TAS2R1: variants seen among roughly 807,000 people sequenced by gnomAD.
The protein encoded by TAS2R1 is taste 2 receptor member 1.
For synonymous variants in TAS2R1, 141 were observed against 134.2 expected, an observed-to-expected ratio of 1.05 and a Z score of -0.35; for missense variants, 370 against 353.4, an observed-to-expected ratio of 1.05 and a Z score of -0.38.
the TAS2R1 span, among the ~76,000 whole-genome samples, chr5:9,762,818 T>C: frequency 1.3e-5 from 2 of 152,222 alleles, no homozygotes; most frequent in African/African-American, 2.4e-5. Context: ...GTTCCCTGCC[T>C]CTAAACTTAC....
At chr5:9,641,007 C>T (rs188957872) in intron 2 of TAS2R1, among the ~76,000 whole-genome samples, 188 of 152,072 alleles carry the variant, frequency 1.2e-3, no homozygotes, top group Non-Finnish European at 2.2e-3. Context: ...CCGTGGTGTG[C>T]GCCTTCAGCA....
the TAS2R1 span, among the ~76,000 whole-genome samples, chr5:9,892,448 A>C: frequency 6.6e-6 from 1 of 152,144 alleles, no homozygotes; most frequent in Non-Finnish European, 1.5e-5. Context: ...GCCAGTGATT[A>C]TTAGACTTTG....
chr5:9,632,536 T>A (rs143660872), upstream of TAS2R1, among the ~76,000 whole-genome samples: 46 of 152,358 alleles, frequency 3.0e-4, no homozygotes, highest in East Asian at 8.5e-3. Flanking sequence ...AGTAGAACTT[T>A]CAAAACTGGA....
chr5:9,750,078 A>C, the TAS2R1 span, among the ~76,000 whole-genome samples: 15 of 152,134 alleles, frequency 9.9e-5, no homozygotes, highest in Admixed American at 9.8e-4. Context: ...ATTCGATTTG[A>C]CCAATAGGAT....
the TAS2R1 span, among the ~76,000 whole-genome samples, chr5:9,811,605 G>A: frequency 6.6e-6 from 1 of 152,106 alleles, no homozygotes; most frequent in African/African-American, 2.4e-5. Flanking sequence ...CCCTGGTTCT[G>A]AATACCTCGG....
chr5:9,697,755 C>A (rs1006521848), intron 1 of TAS2R1, among the ~76,000 whole-genome samples: 1 of 152,056 alleles, frequency 6.6e-6, no homozygotes, highest in African/African-American at 2.4e-5. Context: ...TTATAGACAT[C>A]ATTTTACAAA....
At chr5:9,733,356 C>T in the TAS2R1 span, among the ~76,000 whole-genome samples, 3 of 152,176 alleles carry the variant, frequency 2.0e-5, no homozygotes, top group South Asian at 2.1e-4. Flanking sequence ...CCAAACAGCC[C>T]GCAAAGCATA....
chr5:9,725,033 C>A, the TAS2R1 span, among the ~76,000 whole-genome samples: 1 of 152,234 alleles, frequency 6.6e-6, no homozygotes, highest in African/African-American at 2.4e-5. Flanking sequence ...CCACATGGGC[C>A]ACCTGAGTCA....
the TAS2R1 span, among the ~76,000 whole-genome samples, chr5:9,900,607 T>A: frequency 2.0e-5 from 3 of 147,460 alleles, no homozygotes; most frequent in Non-Finnish European, 4.4e-5. Flanking sequence ...TAAGATACAC[T>A]TGCTCAAATG....
the TAS2R1 span, among the ~76,000 whole-genome samples, chr5:9,846,305 T>G: frequency 2.3e-4 from 35 of 152,320 alleles, no homozygotes; most frequent in Non-Finnish European, 4.1e-4. Flanking sequence ...GACTATGTCT[T>G]TCTGAGCAAG....
At chr5:9,823,918 C>T in the TAS2R1 span, among the ~76,000 whole-genome samples, 8,175 of 152,182 alleles carry the variant, frequency 0.054, 324 homozygotes, top group East Asian at 0.2. Flanking sequence ...ACTGATAGAA[C>T]TAAAAAAGAT....
At chr5:9,820,744 A>C in the TAS2R1 span, among the ~76,000 whole-genome samples, 1 of 152,222 alleles carries the variant, frequency 6.6e-6, no homozygotes, top group Non-Finnish European at 1.5e-5. Context: ...GCTTTATGAA[A>C]CAAATTCCTC....
intron 1 of TAS2R1, among the ~76,000 whole-genome samples, chr5:9,664,640 T>G (rs969959807): frequency 6.6e-6 from 1 of 152,230 alleles, no homozygotes; most frequent in Non-Finnish European, 1.5e-5. Flanking sequence ...TGTGACAGGT[T>G]TGGATAAACC....
the TAS2R1 span, among the ~76,000 whole-genome samples, chr5:9,724,226 C>G: frequency 6.6e-6 from 1 of 152,180 alleles, no homozygotes; most frequent in Admixed American, 6.5e-5. Context: ...GGCCCACCTT[C>G]CACCACATAC....
At chr5:9,753,491 G>T in the TAS2R1 span, among the ~76,000 whole-genome samples, 4 of 152,094 alleles carry the variant, frequency 2.6e-5, no homozygotes, top group African/African-American at 9.7e-5. Context: ...CTCCCATTCT[G>T]TAGGTTGCCT....
the TAS2R1 span, among the ~76,000 whole-genome samples, chr5:9,764,810 A>G: frequency 1.3e-5 from 2 of 152,346 alleles, no homozygotes; most frequent in East Asian, 3.9e-4. Context: ...ATTTTGACCA[A>G]GGTTTATGTA....
At chr5:9,791,383 T>A in the TAS2R1 span, among the ~76,000 whole-genome samples, 1 of 152,148 alleles carries the variant, frequency 6.6e-6, no homozygotes, top group African/African-American at 2.4e-5. Flanking sequence ...TGCATTAACA[T>A]CACCTGGCAA....
chr5:9,840,849 A>AT, the TAS2R1 span, among the ~76,000 whole-genome samples: 1 of 12,910 alleles, frequency 7.7e-5, no homozygotes, highest in Non-Finnish European at 1.6e-4. Flanking sequence ...TTATTTATTT[A>AT]TTTATTTATT....
At chr5:9,632,894 T>C (rs1012637625), upstream of TAS2R1, among the ~76,000 whole-genome samples, 5 of 152,114 alleles carry the variant, frequency 3.3e-5, no homozygotes, top group African/African-American at 1.2e-4. Context: ...TGTTTTTTTT[T>C]TAACCTCCTT....
Sources: gnomAD v4.1 joint callset for allele counts (sites outside exome capture counted in the v4.1 genomes callset) on GRCh38, gnomAD v4.1.1 for gene constraint, MANE v1.5 for transcripts, NCBI Gene and HGNC (gene_info 2026-07-23, HGNC 2026-07-21) for gene names.